The following ZFHX4 variants were observed in gnomAD, a reference collection of about 807,000 sequenced individuals.
ZFHX4 encodes zinc finger homeobox protein 4.
A neutral mutation model predicts 267.6 loss-of-function variants in ZFHX4; 56 were observed. That is an observed-to-expected ratio of 0.21 (90% CI 0.17 to 0.26). ZFHX4 has a LOEUF of 0.26. Among genes scored for constraint, ZFHX4 ranks in the 10% least tolerant of loss-of-function variants. ZFHX4 has a pLI of 1.00. For synonymous variants in ZFHX4, 1,778 were observed against 1,665.6 expected (o/e 1.07, Z -1.64); for missense variants, 4,332 against 4,420.0 (o/e 0.98, Z 0.56).
chr8:76,857,426 T>A (rs963690384), intron 10 of ZFHX4, among the ~76,000 whole-genome samples: 2 of 151,176 alleles, frequency 1.3e-5, no homozygotes, highest in African/African-American at 2.4e-5. Context: ...TTTTTACAAG[T>A]TGAATTTTTA....
In ZFHX4 at chr8:76,696,294, G is replaced by A. The variant is rs139285201; in HGVS notation, c.-46-7749G>A. Among the ~76,000 whole-genome samples, 382 of 152,182 alleles carry A rather than the reference G, an allele frequency of 2.5e-3. 4 individuals are homozygous for A. The highest frequency in any genetic ancestry group is 2.9e-3 in the South Asian group (14 of 4,828). On this transcript the variant is annotated intron_variant, in intron 1 of 10. Coordinates refer to ENST00000651372, the MANE Select transcript of ZFHX4 (RefSeq NM_024721.5). ...TCTTCAACATGGTTCCTCTGAACATGCATCTTTTGAATCAATACAATTAAG... is the reference window on the plus strand; with the variant it reads ...TCTTCAACATGGTTCCTCTGAACATACATCTTTTGAATCAATACAATTAAG...
chr8:76,734,077 A>T (rs1000964812), intron 3 of ZFHX4, among the ~76,000 whole-genome samples: 2 of 152,160 alleles, frequency 1.3e-5, no homozygotes, highest in African/African-American at 4.8e-5. Context: ...AGGGCTTAGG[A>T]GTACTTAGTT....
At chr8:76,827,778 A>G (rs1300518895) in intron 4 of ZFHX4, among the ~76,000 whole-genome samples, 1 of 152,202 alleles carries the variant, frequency 6.6e-6, no homozygotes, top group Non-Finnish European at 1.5e-5. Context: ...CCCAGGAGAT[A>G]GTACTCCCTT....
At chr8:76,793,664 A>T (rs780815850) in intron 4 of ZFHX4, among the ~76,000 whole-genome samples, 3 of 152,220 alleles carry the variant, frequency 2.0e-5, no homozygotes, top group Non-Finnish European at 4.4e-5. Flanking sequence ...TATAATTGCC[A>T]TCATTTACTC....
rs1284426952 is a variant in ZFHX4, at chr8:76,855,669, C to T, written c.8748C>T (p.Ser2916=). 1 of 1,613,802 alleles carries T rather than the reference C, an allele frequency of 6.2e-7. No individual in the cohort carries two copies. Among genetic ancestry groups the T allele is most frequent in the Non-Finnish European group, 8.5e-7 (1 of 1,179,874 alleles). The change falls in exon 10 of 11, where the codon AGC becomes AGT. Residue 2916 remains serine (S), a synonymous_variant. Coordinates refer to ENST00000651372, the MANE Select transcript of ZFHX4 (RefSeq NM_024721.5). Reference sequence around the variant, plus strand: ...GCTCCCCAAATCCATTCGGATCCAGCAATCCCTTTAAATCCAAAAGTAATG... The same window carrying T: ...GCTCCCCAAATCCATTCGGATCCAGTAATCCCTTTAAATCCAAAAGTAATG... ...DPSSPNPFGS[S]NPFKSKSNDR... is the part of the protein sequence containing the mutation.
chr8:76,755,442 TAAGTCTTCATTAAC>T (rs1809737310), intron 3 of ZFHX4, among the ~76,000 whole-genome samples: 1 of 152,218 alleles, frequency 6.6e-6, no homozygotes, highest in Admixed American at 6.5e-5. Flanking sequence ...GACTATTAGT[TAAGTCTTCATTAAC>T]AAGTCTTCAT....
At chr8:76,713,964 C>G (rs1808499016) in intron 3 of ZFHX4, among the ~76,000 whole-genome samples, 1 of 152,058 alleles carries the variant, frequency 6.6e-6, no homozygotes, top group Admixed American at 6.6e-5. Flanking sequence ...CACACCACAC[C>G]TCAGAAACAG....
intron 3 of ZFHX4, among the ~76,000 whole-genome samples, chr8:76,724,123 A>G (rs766972134): frequency 4.6e-5 from 7 of 152,102 alleles, no homozygotes; most frequent in Non-Finnish European, 8.8e-5. Context: ...ATAATAGTGA[A>G]GGTTGAAGGA....
At chr8:76,830,527 A>C (rs1207957381) in intron 4 of ZFHX4, among the ~76,000 whole-genome samples, 1 of 152,224 alleles carries the variant, frequency 6.6e-6, no homozygotes, top group East Asian at 1.9e-4. Flanking sequence ...CATTTTACAC[A>C]GGCAGAAAAA....
At chr8:76,843,871 A>G (rs1812299574) in intron 6 of ZFHX4, among the ~76,000 whole-genome samples, 1 of 152,080 alleles carries the variant, frequency 6.6e-6, no homozygotes, top group Non-Finnish European at 1.5e-5. Context: ...CATTCCCTTT[A>G]AAAATTATCT....
Position 76,853,684 on chromosome 8 carries a change from G to A in ZFHX4, c.6763G>A (p.Glu2255Lys). ...CACAAACGCTTACCCAAAAGATGAT[G>A]AAATAGAACAACTCTCCACTGTTCT... Reference protein sequence around the residue: ...FDTNAYPKDDEIEQLSTVLNL... With the variant: ...FDTNAYPKDDKIEQLSTVLNL... Residue 2255 changes from glutamate to lysine, a missense_variant, in exon 10 of 11, where the codon GAA becomes AAA. Glu to Lys is a moderately conservative substitution (Grantham distance 56). Coordinates refer to ENST00000651372, the MANE Select transcript of ZFHX4 (RefSeq NM_024721.5). The A allele has an allele frequency of 6.2e-7, 1 of 1,613,666 alleles. No individual in the cohort carries two copies. The highest frequency in any genetic ancestry group is 8.5e-7 in the Non-Finnish European group (1 of 1,179,762).
Position 76,863,185 on chromosome 8 carries a change from T to C in ZFHX4, c.9471T>C (p.Pro3157=). 6.4e-7 allele frequency: 1 copy of C among 1,559,558 alleles called. No homozygotes were observed. Reference sequence around the variant, plus strand: ...CTCTCAGCAGTGCCCCCACCAAACCTTTGCTGCAGACTCCACCACCTCCAC... The same window carrying C: ...CTCTCAGCAGTGCCCCCACCAAACCCTTGCTGCAGACTCCACCACCTCCAC... ...ALSLSSAPTK[P]LLQTPPPPPP... Residue 3157 remains proline, a synonymous_variant, in exon 11 of 11, where the codon CCT becomes CCC. Coordinates refer to ENST00000651372, the MANE Select transcript of ZFHX4 (RefSeq NM_024721.5).
intron 10 of ZFHX4, among the ~76,000 whole-genome samples, chr8:76,858,182 G>A (rs1812780164): frequency 6.6e-6 from 1 of 152,172 alleles, no homozygotes; most frequent in Non-Finnish European, 1.5e-5. Context: ...GGCGCCCAGA[G>A]GGCCTAGGTG....
In ZFHX4 at chr8:76,843,738, A is replaced by G. The variant is rs1812296596; in HGVS notation, c.3511+967A>G. ...TTGAATTCTAGTGACAGCCACATAT[A>G]AAGGAGTTTGTATTCACTATGAAGA... On this transcript the variant is annotated intron_variant, in intron 6 of 10. Coordinates refer to ENST00000651372, the MANE Select transcript of ZFHX4 (RefSeq NM_024721.5). Among the ~76,000 whole-genome samples the G allele has an allele frequency of 3.3e-5, 5 of 152,308 alleles. No homozygotes were observed. The South Asian group carries it at 1.0e-3, about 32-fold the overall frequency.
intron 3 of ZFHX4, among the ~76,000 whole-genome samples, chr8:76,752,667 T>C (rs1480605610): frequency 6.6e-6 from 1 of 151,978 alleles, no homozygotes; most frequent in East Asian, 1.9e-4. Context: ...TGAGACTCTG[T>C]CTCAAAAAAC....
intron 1 of ZFHX4, among the ~76,000 whole-genome samples, chr8:76,701,748 T>C (rs911976125): frequency 5.9e-5 from 9 of 152,174 alleles, no homozygotes; most frequent in Non-Finnish European, 1.3e-4. Flanking sequence ...GAAACTTTTT[T>C]ACAAAGCTGT....
intron 3 of ZFHX4, among the ~76,000 whole-genome samples, chr8:76,736,009 A>C (rs760185238): frequency 6.6e-6 from 1 of 152,046 alleles, no homozygotes; most frequent in Non-Finnish European, 1.5e-5. Context: ...TATATATTTT[A>C]ATCTCTGTAA....
At chr8:76,824,281 G>A (rs1811729360) in intron 4 of ZFHX4, among the ~76,000 whole-genome samples, 1 of 152,202 alleles carries the variant, frequency 6.6e-6, no homozygotes, top group Non-Finnish European at 1.5e-5. Context: ...TAAGGCATAT[G>A]ATTTAGGTGA....
chr8:76,821,627 G>A (rs1165719599), intron 4 of ZFHX4, among the ~76,000 whole-genome samples: 1 of 150,150 alleles, frequency 6.7e-6, no homozygotes, highest in African/African-American at 2.5e-5. Flanking sequence ...TCCTTGTTTT[G>A]GGAGGAAATC....
Sources: allele counts gnomAD v4.1 joint callset (sites outside exome capture counted in the v4.1 genomes callset), GRCh38; gene constraint gnomAD v4.1.1; transcripts MANE v1.5; gene names NCBI Gene and HGNC (gene_info 2026-07-23, HGNC 2026-07-21).